The following WWTR1 variants were observed in gnomAD, a reference collection of about 807,000 sequenced individuals.
WWTR1 encodes WW domain containing transcription regulator 1.
A neutral mutation model predicts 40.1 loss-of-function variants in WWTR1; 13 were observed. That is an observed-to-expected ratio of 0.32 (90% CI 0.21 to 0.52). The LOEUF (loss-of-function observed/expected upper bound fraction) is 0.52. Among genes scored for constraint, WWTR1 ranks in the 20% least tolerant of loss-of-function variants. WWTR1 has a pLI of 0.97. For missense variants in WWTR1, 436 were observed against 523.1 expected (o/e 0.83, Z 1.63); for synonymous variants, 230 against 210.1 (o/e 1.09, Z -0.82).
intron 4 of WWTR1, among the ~76,000 whole-genome samples, chr3:149,721,983 T>G (rs1388336565): frequency 1.3e-5 from 2 of 152,236 alleles, no homozygotes; most frequent in African/African-American, 4.8e-5. Flanking sequence ...GTTGTGTGTT[T>G]TTAGAAATTT....
At chr3:149,594,752 A>G (rs1054586051) in intron 2 of WWTR1, among the ~76,000 whole-genome samples, 2 of 151,824 alleles carry the variant, frequency 1.3e-5, no homozygotes, top group African/African-American at 4.8e-5. Flanking sequence ...ACACACACAC[A>G]GAGCTACAAA....
chr3:149,544,070 T>C (rs1736260110), intron 3 of WWTR1, among the ~76,000 whole-genome samples: 1 of 152,000 alleles, frequency 6.6e-6, no homozygotes, highest in Admixed American at 6.6e-5. Context: ...GCCTGGTGGC[T>C]TAAGTTAAAT....
chr3:149,641,572 G>A (rs1335529356), intron 2 of WWTR1, among the ~76,000 whole-genome samples: 1 of 152,200 alleles, frequency 6.6e-6, no homozygotes, highest in Non-Finnish European at 1.5e-5. Context: ...GGCAAAACTT[G>A]ACTCACTTCA....
chr3:149,585,005 C>CA (rs1221671364), intron 2 of WWTR1, among the ~76,000 whole-genome samples: 2 of 150,282 alleles, frequency 1.3e-5, no homozygotes, highest in African/African-American at 2.4e-5. Flanking sequence ...AATTCAAATG[C>CA]AAAAAAAGAA....
intron 4 of WWTR1, chr3:149,540,245 C>T (rs1180281553): frequency 2.2e-6 from 1 of 456,726 alleles, no homozygotes; most frequent in Non-Finnish European, 4.4e-6. Context: ...CCACGTTCCA[C>T]AGCCTCCAAG....
chr3:149,634,102 G>C (rs1259939456), intron 2 of WWTR1, among the ~76,000 whole-genome samples: 1 of 151,888 alleles, frequency 6.6e-6, no homozygotes, highest in Non-Finnish European at 1.5e-5. Context: ...AAAGATGAGA[G>C]GTCCAGAAAG....
intron 2 of WWTR1, among the ~76,000 whole-genome samples, chr3:149,639,942 C>T (rs541695501): frequency 6.5e-5 from 9 of 139,002 alleles, no homozygotes; most frequent in African/African-American, 2.4e-4. Context: ...TGCAGTGAGC[C>T]GAGATTGTGC....
chr3:149,565,450 C>G (rs2107983300), intron 3 of WWTR1, among the ~76,000 whole-genome samples: 1 of 151,988 alleles, frequency 6.6e-6, no homozygotes, highest in South Asian at 2.1e-4. Flanking sequence ...TTAATAAAGA[C>G]TCATCCACAT....
intron 5 of WWTR1, among the ~76,000 whole-genome samples, chr3:149,712,662 A>G (rs1204578534): frequency 6.6e-6 from 1 of 152,234 alleles, no homozygotes; most frequent in African/African-American, 2.4e-5. Context: ...AGGATTAGAC[A>G]TTAGTCAGTC....
chr3:149,655,266 G>A (rs1576625716), intron 2 of WWTR1, among the ~76,000 whole-genome samples: 3 of 151,502 alleles, frequency 2.0e-5, no homozygotes, highest in East Asian at 3.9e-4. Flanking sequence ...CCAACATGGT[G>A]AAACCTCGTC....
At chr3:149,685,753 TA>T (rs1714626782) in intron 1 of WWTR1, among the ~76,000 whole-genome samples, 2 of 152,216 alleles carry the variant, frequency 1.3e-5, no homozygotes, top group African/African-American at 2.4e-5. Context: ...TCACTTCCTC[TA>T]GTACATACTC....
chr3:149,610,633 CTCTT>C (rs574992960), intron 2 of WWTR1, among the ~76,000 whole-genome samples: 1 of 152,332 alleles, frequency 6.6e-6, no homozygotes, highest in African/African-American at 2.4e-5. Context: ...CTTCTCTCCT[CTCTT>C]TCTAGCAGGG....
chr3:149,528,896 T>C (rs1428273085), intron 4 of WWTR1, among the ~76,000 whole-genome samples: 3 of 152,202 alleles, frequency 2.0e-5, no homozygotes, highest in Non-Finnish European at 4.4e-5. Flanking sequence ...AGCATATGGA[T>C]TTCATTAGCA....
chr3:149,624,823 C>G (rs1223629243), intron 2 of WWTR1, among the ~76,000 whole-genome samples: 1 of 152,030 alleles, frequency 6.6e-6, no homozygotes, highest in Non-Finnish European at 1.5e-5. Flanking sequence ...CCTCAGCCTC[C>G]CAAGTAGCTG....
intron 2 of WWTR1, among the ~76,000 whole-genome samples, chr3:149,645,000 A>G (rs1712404593): frequency 6.6e-6 from 1 of 151,898 alleles, no homozygotes; most frequent in Non-Finnish European, 1.5e-5. Context: ...TTACAGGTAC[A>G]CGCCACCATG....
chr3:149,722,014 CCAATTTGTTGAAGTA>C (rs1326752167), intron 4 of WWTR1, among the ~76,000 whole-genome samples: 9 of 152,130 alleles, frequency 5.9e-5, no homozygotes, highest in African/African-American at 2.2e-4. Flanking sequence ...TCTAGGTTAT[CCAATTTGTTGAAGTA>C]CAATTGCTCT....
At chr3:149,624,042 C>T (rs867846131) in intron 2 of WWTR1, among the ~76,000 whole-genome samples, 11 of 152,186 alleles carry the variant, frequency 7.2e-5, no homozygotes, top group Non-Finnish European at 1.3e-4. Context: ...TCCCTTCGTC[C>T]GGCCACATCC....
intron 2 of WWTR1, among the ~76,000 whole-genome samples, chr3:149,642,743 C>T (rs1286208956): frequency 1.3e-5 from 2 of 151,382 alleles, no homozygotes; most frequent in African/African-American, 4.9e-5. Context: ...CCACTGCACT[C>T]CAGCCTGGGC....
At chr3:149,625,726 G>A (rs1026757253) in intron 2 of WWTR1, among the ~76,000 whole-genome samples, 3 of 151,848 alleles carry the variant, frequency 2.0e-5, no homozygotes, top group African/African-American at 4.8e-5. Flanking sequence ...ACGAGGCAGA[G>A]GTTGCAGTGA....
Sources: gnomAD v4.1 joint callset for allele counts (sites outside exome capture counted in the v4.1 genomes callset) on GRCh38, gnomAD v4.1.1 for gene constraint, MANE v1.5 for transcripts, NCBI Gene and HGNC (gene_info 2026-07-23, HGNC 2026-07-21) for gene names.